CABLES1: variants seen among roughly 807,000 people sequenced by gnomAD.
CABLES1 encodes the protein Cdk5 and Abl enzyme substrate 1.
A neutral mutation model predicts 57.8 loss-of-function variants in CABLES1; 36 were observed. That is an observed-to-expected ratio of 0.62 (90% confidence interval 0.48 to 0.82). CABLES1 has a LOEUF of 0.82. Ranked by LOEUF, CABLES1 falls within the 40% of genes least tolerant of loss-of-function variation. The probability of loss-of-function intolerance (pLI) is 0.00; values close to 1 mark genes in which losing one functional copy is unlikely to be tolerated. For missense variants in CABLES1, 767 were observed against 836.6 expected (o/e 0.92, Z 1.03); for synonymous variants, 374 against 363.0 (o/e 1.03, Z -0.35).
chr18:23,189,078 A>G (rs1341937717), intron 2 of CABLES1, 169 bp downstream of exon 2: 3 of 568,994 alleles, frequency 5.3e-6, no homozygotes, highest in Non-Finnish European at 6.2e-6. Flanking sequence ...GAAGACCACT[A>G]GAACTAAACA....
At chr18:23,251,261 C>T (rs1413980637) in intron 7 of CABLES1, among the ~76,000 whole-genome samples, 1 of 152,024 alleles carries the variant, frequency 6.6e-6, no homozygotes, top group African/African-American at 2.4e-5. Context: ...AAGAGGAGCC[C>T]AGCCAACATG....
chr18:23,211,627 C>G (rs1302558042), intron 3 of CABLES1, among the ~76,000 whole-genome samples: 1 of 152,238 alleles, frequency 6.6e-6, no homozygotes, highest in Non-Finnish European at 1.5e-5. Context: ...GTCACGCCCC[C>G]AAGGGGCAGG....
chr18:23,137,180 TA>T (rs2046828706), intron 1 of CABLES1, among the ~76,000 whole-genome samples: 1 of 152,148 alleles, frequency 6.6e-6, no homozygotes, highest in Non-Finnish European at 1.5e-5. Context: ...CAACTAGGCC[TA>T]GGGGGGTGGG....
At chr18:23,175,307 T>G (rs2047115242) in intron 1 of CABLES1, among the ~76,000 whole-genome samples, 1 of 152,194 alleles carries the variant, frequency 6.6e-6, no homozygotes, top group Non-Finnish European at 1.5e-5. Context: ...GGATTTGGTG[T>G]AAGGTTTAAT....
At chr18:23,218,588 C>CCTCCCGCATCCTCACTTGCCCTGG (rs1568072584) in intron 4 of CABLES1, among the ~76,000 whole-genome samples, 3 of 62,620 alleles carry the variant, frequency 4.8e-5, no homozygotes, top group Admixed American at 1.7e-4. Context: ...ACTTGCCCTG[C>CCTCCCGCATCCTCACTTGCCCTGG]CTCCCGCATC....
At chr18:23,149,292 A>C (rs1017648793) in intron 1 of CABLES1, among the ~76,000 whole-genome samples, 1 of 150,982 alleles carries the variant, frequency 6.6e-6, no homozygotes, top group South Asian at 2.1e-4. Context: ...AAGTTTGTCT[A>C]CTTTTTTTTG....
chr18:23,179,405 C>A (rs760838474), intron 1 of CABLES1, among the ~76,000 whole-genome samples: 1 of 152,238 alleles, frequency 6.6e-6, no homozygotes, highest in Non-Finnish European at 1.5e-5. Flanking sequence ...GTGACTCCCC[C>A]ACCCCAGGGA....
chr18:23,190,286 T>C (rs1424809993), intron 2 of CABLES1: 1 of 152,108 alleles, frequency 6.6e-6, no homozygotes, highest in African/African-American at 2.4e-5. Flanking sequence ...ACTGAGGTGC[T>C]CCCTCACTCC....
chr18:23,234,027 G>T (rs2047584485), intron 4 of CABLES1, among the ~76,000 whole-genome samples: 2 of 152,038 alleles, frequency 1.3e-5, no homozygotes, highest in Admixed American at 6.6e-5. Context: ...GACCAGCCTG[G>T]CCAACATAGT....
intron 3 of CABLES1, among the ~76,000 whole-genome samples, chr18:23,196,116 A>G (rs969389775): frequency 5.9e-5 from 9 of 152,226 alleles, no homozygotes; most frequent in African/African-American, 1.9e-4. Context: ...TGAGATTTCC[A>G]AAGAACATTA....
At chr18:23,156,131 G>A (rs2046964164) in intron 1 of CABLES1, among the ~76,000 whole-genome samples, 1 of 152,192 alleles carries the variant, frequency 6.6e-6, no homozygotes, top group Admixed American at 6.5e-5. Flanking sequence ...TGAATGGCAT[G>A]AGGTCATCTG....
At chr18:23,147,555 G>A (rs1269106985) in intron 1 of CABLES1, among the ~76,000 whole-genome samples, 1 of 152,192 alleles carries the variant, frequency 6.6e-6, no homozygotes, top group African/African-American at 2.4e-5. Context: ...GACAAGGTCT[G>A]CTCTGATCGT....
intron 3 of CABLES1, among the ~76,000 whole-genome samples, chr18:23,200,525 G>C (rs1416111637): frequency 1.3e-5 from 2 of 152,166 alleles, no homozygotes; most frequent in East Asian, 3.9e-4. Flanking sequence ...GCCTCCCAAA[G>C]TGCTGGGATT....
intron 1 of CABLES1, among the ~76,000 whole-genome samples, chr18:23,158,313 A>G (rs544910638): frequency 3.3e-5 from 5 of 152,226 alleles, no homozygotes; most frequent in African/African-American, 4.8e-5. Flanking sequence ...AAAAATGATA[A>G]TAACACCAAA....
At chr18:23,203,970 G>A (rs1423876565) in intron 3 of CABLES1, among the ~76,000 whole-genome samples, 1 of 152,268 alleles carries the variant, frequency 6.6e-6, no homozygotes. Flanking sequence ...CGGTGTTTAT[G>A]ATCAGTTCTT....
chr18:23,255,404 A>G (rs2048138348), intron 9 of CABLES1, among the ~76,000 whole-genome samples: 1 of 152,206 alleles, frequency 6.6e-6, no homozygotes, highest in African/African-American at 2.4e-5. Context: ...CCAATTGAAA[A>G]GAGTATTTTT....
At chr18:23,144,430 G>C (rs1013945034) in intron 1 of CABLES1, among the ~76,000 whole-genome samples, 1 of 152,204 alleles carries the variant, frequency 6.6e-6, no homozygotes, top group African/African-American at 2.4e-5. Context: ...AATCTGTCAT[G>C]GGGCTAAGGT....
intron 7 of CABLES1, among the ~76,000 whole-genome samples, chr18:23,245,283 G>A (rs754367985): frequency 2.0e-5 from 3 of 152,066 alleles, no homozygotes; most frequent in Non-Finnish European, 2.9e-5. Context: ...TGAGGTGGGC[G>A]GATCACTTGA....
chr18:23,158,960 G>A (rs2046983571), intron 1 of CABLES1, among the ~76,000 whole-genome samples: 1 of 152,104 alleles, frequency 6.6e-6, no homozygotes, highest in Non-Finnish European at 1.5e-5. Flanking sequence ...TGCCCCACTG[G>A]GTTGGTGTTT....
Sources: gnomAD v4.1 joint callset for allele counts (sites outside exome capture counted in the v4.1 genomes callset) on GRCh38, gnomAD v4.1.1 for gene constraint, MANE v1.5 for transcripts, NCBI Gene and HGNC (gene_info 2026-07-23, HGNC 2026-07-21) for gene names.